WWOX: variants seen among roughly 807,000 people sequenced by gnomAD.
WWOX encodes WW domain containing oxidoreductase, also known as WW domain-containing oxidoreductase.
Under a neutral mutation model 46.2 loss-of-function variants are expected in WWOX, and 69 were observed. The ratio of observed to expected loss-of-function variants is 1.49; its 90% confidence interval spans 1.23 to 1.82. WWOX has a LOEUF of 1.82. Among genes scored for constraint, WWOX ranks in the 40% most tolerant of loss-of-function variants. The probability of loss-of-function intolerance (pLI) is 0.00; values close to 1 mark genes in which losing one functional copy is unlikely to be tolerated. For synonymous variants in WWOX, 359 were observed against 202.6 expected, an observed-to-expected ratio of 1.77 and a Z score of -6.56; for missense variants, 919 against 542.6, an observed-to-expected ratio of 1.69 and a Z score of -6.89.
At chr16:78,914,961 GAATCAGTTA>G (rs1483531003) in intron 8 of WWOX, among the ~76,000 whole-genome samples, 1 of 150,932 alleles carries the variant, frequency 6.6e-6, no homozygotes, top group African/African-American at 2.4e-5. Context: ...GAGAGACAGA[GAATCAGTTA>G]ATTCCAGGGT....
At chr16:78,815,296 G>C (rs1416898100) in intron 8 of WWOX, among the ~76,000 whole-genome samples, 1 of 151,214 alleles carries the variant, frequency 6.6e-6, no homozygotes, top group Non-Finnish European at 1.5e-5. Flanking sequence ...CTGCACTCCA[G>C]CCTGGCTGAG....
chr16:78,575,000 TA>T (rs1411156722), intron 8 of WWOX, among the ~76,000 whole-genome samples: 292 of 8,722 alleles, frequency 0.033, 41 homozygotes, highest in African/African-American at 0.13. Flanking sequence ...ATTTTTCAAT[TA>T]TATATATATA....
At chr16:78,521,833 G>C (rs147946003) in intron 8 of WWOX, among the ~76,000 whole-genome samples, 2 of 151,844 alleles carry the variant, frequency 1.3e-5, no homozygotes, top group East Asian at 3.9e-4. Flanking sequence ...TTGACCCTAA[G>C]CCTATGAAAA....
chr16:79,205,618 C>G (rs977946904), intron 8 of WWOX: 4 of 152,176 alleles, frequency 2.6e-5, no homozygotes, highest in Admixed American at 6.5e-5. Context: ...GAGTGCATTC[C>G]TCTTCTATAA....
chr16:79,077,954 C>T (rs1256366651), intron 8 of WWOX: 1 of 152,142 alleles, frequency 6.6e-6, no homozygotes, highest in East Asian at 1.9e-4. Context: ...CCCTTCTTCT[C>T]CAGGAAACTC....
chr16:78,518,393 T>C (rs1344336412), intron 8 of WWOX, among the ~76,000 whole-genome samples: 1 of 151,962 alleles, frequency 6.6e-6, no homozygotes, highest in Non-Finnish European at 1.5e-5. Flanking sequence ...CTAATTTTTG[T>C]ATTTTATATT....
At position 78,134,706 on chromosome 16, in the gene WWOX, C is replaced by G. The variant is rs2033727868; in HGVS notation, c.409+19552C>G. Among the ~76,000 whole-genome samples, 3 of 152,116 alleles carry G rather than the reference C, an allele frequency of 2.0e-5. No individual in the cohort carries two copies. In the South Asian group the frequency reaches 6.2e-4, roughly 32 times the overall value. ...AAGTGAAAAACTCACAATATTTGGC[C>G]AAACTTGGGATCATTTAGGTGTTGT... On this transcript the variant is annotated intron_variant, in intron 4 of 8. Transcript: ENST00000566780.
At chr16:79,133,432 G>C (rs1206268028) in intron 8 of WWOX, among the ~76,000 whole-genome samples, 1 of 152,242 alleles carries the variant, frequency 6.6e-6, no homozygotes, top group African/African-American at 2.4e-5. Context: ...TCATATTGCA[G>C]AAAGGGTAAG....
At chr16:78,570,072 G>T (rs987060961) in intron 8 of WWOX, among the ~76,000 whole-genome samples, 1 of 152,148 alleles carries the variant, frequency 6.6e-6, no homozygotes, top group African/African-American at 2.4e-5. Context: ...GTATTTTGTT[G>T]ATTTATGTTC....
At chr16:78,361,904 G>A (rs981915063) in intron 5 of WWOX, among the ~76,000 whole-genome samples, 4 of 151,456 alleles carry the variant, frequency 2.6e-5, no homozygotes, top group South Asian at 2.1e-4. Flanking sequence ...GAGCTACAGC[G>A]CCTGGCCCCT....
chr16:78,713,117 A>G (rs1367395314), intron 8 of WWOX, among the ~76,000 whole-genome samples: 1 of 151,682 alleles, frequency 6.6e-6, no homozygotes, highest in Non-Finnish European at 1.5e-5. Context: ...CACCGAATTT[A>G]AAAACTTAGC....
At chr16:79,028,443 T>G (rs1001764374) in intron 8 of WWOX, among the ~76,000 whole-genome samples, 1 of 151,762 alleles carries the variant, frequency 6.6e-6, no homozygotes, top group African/African-American at 2.4e-5. Context: ...GGCATTTGAT[T>G]AGGACATTTT....
At chr16:78,916,897 A>G (rs967810712) in intron 8 of WWOX, among the ~76,000 whole-genome samples, 1 of 152,206 alleles carries the variant, frequency 6.6e-6, no homozygotes, top group African/African-American at 2.4e-5. Context: ...ACTGAAAGAT[A>G]TAGGTGTGGT....
intron 8 of WWOX, among the ~76,000 whole-genome samples, chr16:78,793,228 T>C (rs998719984): frequency 2.6e-5 from 4 of 151,900 alleles, no homozygotes; most frequent in Non-Finnish European, 2.9e-5. Context: ...CCCAGCTAAT[T>C]TTTATATTTT....
intron 8 of WWOX, among the ~76,000 whole-genome samples, chr16:79,142,755 G>GT (rs1452423595): frequency 1.3e-5 from 2 of 152,180 alleles, no homozygotes; most frequent in African/African-American, 4.8e-5. Flanking sequence ...CGGGACTGCA[G>GT]TGGCACCATT....
At chr16:79,088,059 C>G (rs988375499) in intron 8 of WWOX, among the ~76,000 whole-genome samples, 1 of 152,132 alleles carries the variant, frequency 6.6e-6, no homozygotes, top group Non-Finnish European at 1.5e-5. Context: ...TGGTCTTGGC[C>G]TCTTTGAGCC....
At chr16:79,018,552 G>T (rs573771063) in intron 8 of WWOX, among the ~76,000 whole-genome samples, 35 of 152,282 alleles carry the variant, frequency 2.3e-4, no homozygotes, top group African/African-American at 8.2e-4. Flanking sequence ...GTTTGGGGGA[G>T]TGGGCTGTCT....
chr16:79,172,217 C>A (rs1167620614), intron 8 of WWOX, among the ~76,000 whole-genome samples: 2 of 152,298 alleles, frequency 1.3e-5, no homozygotes, highest in African/African-American at 4.8e-5. Context: ...TGTTTTATTT[C>A]CCCACTTGGC....
At chr16:78,542,628 C>G (rs150300781) in intron 8 of WWOX, among the ~76,000 whole-genome samples, 1,744 of 152,224 alleles carry the variant, frequency 0.011, 30 homozygotes, top group Middle Eastern at 0.044. Flanking sequence ...GGAGGGATTG[C>G]GTAATGCACC....
Sources: gnomAD v4.1 joint callset for allele counts (sites outside exome capture counted in the v4.1 genomes callset) on GRCh38, gnomAD v4.1.1 for gene constraint, MANE v1.5 for transcripts, NCBI Gene and HGNC (gene_info 2026-07-23, HGNC 2026-07-21) for gene names.